The following C11orf65 variants were observed in gnomAD, a reference collection of about 807,000 sequenced individuals.
The protein encoded by C11orf65 is protein MFI.
Under a neutral mutation model 35.3 loss-of-function variants are expected in C11orf65, and 38 were observed. The observed-to-expected ratio is 1.08, with a 90% CI of 0.83 to 1.41. The LOEUF (loss-of-function observed/expected upper bound fraction) is 1.41. Among genes scored for constraint, C11orf65 ranks in the 40% most tolerant of loss-of-function variants. C11orf65 has a pLI of 0.00. For missense variants in C11orf65, 370 were observed against 367.1 expected (o/e 1.01, Z -0.06); for synonymous variants, 105 against 114.4 (o/e 0.92, Z 0.53).
At chr11:108,348,782 A>G (rs889850593) in intron 2 of C11orf65, among the ~76,000 whole-genome samples, 13 of 152,096 alleles carry the variant, frequency 8.5e-5, no homozygotes, top group Admixed American at 3.9e-4. Context: ...CTATAAAACA[A>G]AGAAGAAAAC....
intron 2 of C11orf65, among the ~76,000 whole-genome samples, chr11:108,459,937 T>C (rs976165165): frequency 6.6e-6 from 1 of 152,050 alleles, no homozygotes; most frequent in Admixed American, 6.6e-5. Flanking sequence ...CTAGATGATG[T>C]GTATGTCAAT....
Position 108,383,965 on chromosome 11 carries a change from C to G in C11orf65, c.788-790G>C, listed in dbSNP as rs2091927399. ...ACAGCCTCCACCTCCTGGGCTCAAA[C>G]AACTCTCCCGCCTCAGCTTCCCAAG... On this transcript the variant is annotated intron_variant, in intron 8 of 8. Coordinates refer to ENST00000393084, the MANE Select transcript of C11orf65 (RefSeq NM_152587.5). Among the ~76,000 whole-genome samples the G allele has an allele frequency of 2.7e-5, 4 of 150,132 alleles. No homozygotes were observed. In the Admixed American group the frequency reaches 2.7e-4, roughly 10 times the overall value.
intron 2 of C11orf65, among the ~76,000 whole-genome samples, chr11:108,433,505 AG>A (rs2093021894): frequency 6.6e-6 from 1 of 152,104 alleles, no homozygotes; most frequent in Non-Finnish European, 1.5e-5. Flanking sequence ...GTGTGAACCC[AG>A]GAGGCGGAAC....
At chr11:108,377,482 A>T (rs1469583005) in intron 2 of C11orf65, among the ~76,000 whole-genome samples, 2 of 152,182 alleles carry the variant, frequency 1.3e-5, no homozygotes, top group Admixed American at 6.5e-5. Context: ...GACGTATCTC[A>T]AAATAATAAG....
chr11:108,379,036 A>C (rs1375916490), downstream of C11orf65, among the ~76,000 whole-genome samples: 1 of 152,142 alleles, frequency 6.6e-6, no homozygotes, highest in Non-Finnish European at 1.5e-5. Context: ...GTGGGACTGT[A>C]AACTAGTTCA....
downstream of C11orf65, among the ~76,000 whole-genome samples, chr11:108,381,853 T>A (rs188868000): frequency 6.6e-6 from 1 of 152,322 alleles, no homozygotes; most frequent in Non-Finnish European, 1.5e-5. Context: ...ACTTGATGCA[T>A]TTCTAATTAA....
intron 8 of C11orf65, among the ~76,000 whole-genome samples, chr11:108,383,950 C>A: frequency 6.6e-6 from 1 of 151,288 alleles, no homozygotes; most frequent in East Asian, 1.9e-4. Context: ...ACAGCCTCCA[C>A]CTCCTGGGCT....
Position 108,331,889 on chromosome 11 carries a change from G to A in C11orf65, c.300-322C>T. The A allele has an allele frequency of 6.2e-7, 1 of 1,613,274 alleles. No individual in the cohort carries two copies. Among genetic ancestry groups the A allele is most frequent in the South Asian group, 1.1e-5 (1 of 91,048 alleles). ...GTTCTTTTCTTACAGCTAATCTCTA[G>A]AATTTCAATGGATCACCCCCATCAC... On this transcript the variant is annotated intron_variant, in intron 3 of 3. Transcript: ENST00000524755.
chr11:108,369,537 A>G (rs1170158548), intron 2 of C11orf65, among the ~76,000 whole-genome samples: 1 of 152,170 alleles, frequency 6.6e-6, no homozygotes, highest in Non-Finnish European at 1.5e-5. Context: ...CCTAGATTTT[A>G]ACAAAATGCA....
At chr11:108,331,854 A>T (rs1170677929) in intron 3 of C11orf65, 1 of 1,610,428 alleles carries the variant, frequency 6.2e-7, no homozygotes. Context: ...TTATTTGCAT[A>T]AATCTAATAG....
At chr11:108,331,640 CCTCT>C (rs2086247455) in intron 3 of C11orf65, 13 of 1,419,844 alleles carry the variant, frequency 9.2e-6, no homozygotes, top group South Asian at 4.2e-5. Flanking sequence ...TATACCATTC[CCTCT>C]AAGAAATGGA....
chr11:108,391,739 C>T (rs1029348074), intron 7 of C11orf65, among the ~76,000 whole-genome samples: 1 of 151,578 alleles, frequency 6.6e-6, no homozygotes, highest in East Asian at 1.9e-4. Context: ...CCATAGCCAC[C>T]ACCACCCCCT....
chr11:108,437,466 G>T (rs2093078307), intron 2 of C11orf65, among the ~76,000 whole-genome samples: 1 of 152,060 alleles, frequency 6.6e-6, no homozygotes, highest in East Asian at 1.9e-4. Context: ...AGCACTTTGG[G>T]AGGCTGAGGC....
chr11:108,373,894 G>T (rs1290021474), intron 2 of C11orf65, among the ~76,000 whole-genome samples: 1 of 152,152 alleles, frequency 6.6e-6, no homozygotes, highest in South Asian at 2.1e-4. Flanking sequence ...GGCTTGGAGG[G>T]TCCTACGCCC....
chr11:108,413,572 G>A (rs1280332081), intron 3 of C11orf65, among the ~76,000 whole-genome samples: 1 of 152,184 alleles, frequency 6.6e-6, no homozygotes, highest in Non-Finnish European at 1.5e-5. Context: ...CTGAACTTGA[G>A]TGGTAATAAT....
At chr11:108,321,628 C>A (rs1304301058) in intron 6 of C11orf65, among the ~76,000 whole-genome samples, 1 of 151,964 alleles carries the variant, frequency 6.6e-6, no homozygotes, top group South Asian at 2.1e-4. Flanking sequence ...ACTAAAAATA[C>A]AAAAATTAGC....
chr11:108,392,838 C>A (rs1019746839), intron 7 of C11orf65, among the ~76,000 whole-genome samples: 1 of 152,130 alleles, frequency 6.6e-6, no homozygotes, highest in Non-Finnish European at 1.5e-5. Flanking sequence ...TCACTGAAAA[C>A]TTATAACATT....
chr11:108,331,714 C>CT (rs2086257927), intron 3 of C11orf65: 7 of 1,317,646 alleles, frequency 5.3e-6, no homozygotes, highest in Middle Eastern at 2.5e-4. Context: ...TTTTCTCTCT[C>CT]TAATTCCTCA....
At chr11:108,417,556 AAAAC>A (rs1211768239) in intron 3 of C11orf65, among the ~76,000 whole-genome samples, 9 of 151,686 alleles carry the variant, frequency 5.9e-5, no homozygotes, top group African/African-American at 1.5e-4. Flanking sequence ...CAAAAAAACA[AAAAC>A]AAACAAACAA....
Sources: allele counts gnomAD v4.1 joint callset (sites outside exome capture counted in the v4.1 genomes callset), GRCh38; gene constraint gnomAD v4.1.1; transcripts MANE v1.5; gene names NCBI Gene and HGNC (gene_info 2026-07-23, HGNC 2026-07-21).